Variants in NR1H3 observed in about 807,000 individuals in gnomAD.
NR1H3 encodes the protein nuclear receptor subfamily 1 group H member 3.
In NR1H3, 19 loss-of-function variants were observed where a neutral mutation model predicts 48.1. That is an observed-to-expected ratio of 0.40 (90% CI 0.28 to 0.58). The LOEUF (loss-of-function observed/expected upper bound fraction) is 0.58, where lower values mean the gene tolerates loss of function less well. NR1H3 is among the 20% of genes least tolerant of loss of function. The probability of loss-of-function intolerance (pLI) is 0.50; values close to 1 mark genes in which losing one functional copy is unlikely to be tolerated. For missense variants in NR1H3, 486 were observed against 595.9 expected (o/e 0.82, Z 1.92); for synonymous variants, 232 against 227.3 (o/e 1.02, Z -0.19).
chr11:47,258,186 C>G, intron 1 of NR1H3, 57 bp downstream of exon 1: 1 of 984,058 alleles, frequency 1.0e-6, no homozygotes, highest in South Asian at 4.7e-5. Context: ...GGGGTGGGGT[C>G]GGGGAATGTC....
intron 5 of NR1H3, 41 bp downstream of exon 5, chr11:47,261,490 A>G (rs1406324544): frequency 1.2e-6 from 2 of 1,610,174 alleles, no homozygotes; most frequent in Non-Finnish European, 1.7e-6. Flanking sequence ...CGCCCAGATC[A>G]CCAGTGGGCT....
chr11:47,268,918 C>G lies in NR1H3; in HGVS notation c.*222C>G. 2 of 570,070 alleles carry G rather than the reference C, an allele frequency of 3.5e-6. No homozygotes were observed. Among genetic ancestry groups the G allele is most frequent in the South Asian group, 4.5e-5 (2 of 44,668 alleles). 35.3% of individuals were successfully genotyped at this position (570,070 alleles called of 1,614,324 possible). The stretch of plus-strand genomic sequence containing the variant: ...CTGTGTCTGAAGATCATGCTGACCC[C>G]ACAAACGGATGGGCCTGGGGGCCAC... On this transcript the variant is annotated 3_prime_UTR_variant, in exon 10 of 10. Coordinates refer to ENST00000441012, the MANE Select transcript of NR1H3 (RefSeq NM_005693.4).
chr11:47,261,200 TCCC>T, intron 4 of NR1H3, 38 bp from the exon 5 acceptor site: 1 of 1,523,676 alleles, frequency 6.6e-7, no homozygotes, highest in Non-Finnish European at 9.0e-7. Context: ...CCCCATCCTT[TCCC>T]CATCTGCTCC....
At chr11:47,263,999 C>T (rs1314980393) in intron 7 of NR1H3, among the ~76,000 whole-genome samples, 1 of 152,192 alleles carries the variant, frequency 6.6e-6, no homozygotes, top group East Asian at 1.9e-4. Context: ...CGAATGCTTC[C>T]ATCTCCATCC....
chr11:47,254,709 C>T (rs112512545), upstream of NR1H3, among the ~76,000 whole-genome samples: 8 of 152,290 alleles, frequency 5.3e-5, no homozygotes, highest in Non-Finnish European at 7.4e-5. Context: ...TGCAACAGCA[C>T]CCAGCCTGCT....
At chr11:47,261,830 G>A (rs1173938063) in intron 6 of NR1H3, 89 bp from the exon 7 acceptor site, 2 of 1,600,266 alleles carry the variant, frequency 1.2e-6, no homozygotes, top group East Asian at 4.5e-5. Context: ...CTGGGAAGCA[G>A]GGATGAGGAG....
chr11:47,264,728 C>T (rs889572240), intron 7 of NR1H3, among the ~76,000 whole-genome samples: 4 of 152,184 alleles, frequency 2.6e-5, no homozygotes, highest in Non-Finnish European at 5.9e-5. Flanking sequence ...AGTAATCATG[C>T]TTGCATTTCT....
chr11:47,258,119 C>T lies in NR1H3; in HGVS notation c.-48C>T. ...CTGCCCACCCAGGAAGTCTGGTGGC[C>T]TGGGGATTTGGTGGGTCTGCTCCTT... On this transcript the variant is annotated 5_prime_UTR_variant, in exon 1 of 10. Transcript: ENST00000441012. 1.0e-6 allele frequency: 1 copy of T among 985,334 alleles called. No individual in the cohort carries two copies. Among genetic ancestry groups the T allele is most frequent in the Non-Finnish European group, 1.2e-6 (1 of 830,124 alleles). The allele number at this position is 985,334 out of a possible 1,614,324, so 61.0% of individuals were successfully genotyped here.
At position 47,268,390 on chromosome 11, in the gene NR1H3, C is replaced by T. The variant is rs761130352; in HGVS notation, c.1197+35C>T. 1.1e-5 allele frequency: 18 copies of T among 1,604,296 alleles called. No homozygotes were observed. In the South Asian group the frequency reaches 1.7e-4, roughly 15 times the overall value. On this transcript the variant is annotated intron_variant, in intron 9 of 9. Coordinates refer to ENST00000441012, the MANE Select transcript of NR1H3 (RefSeq NM_005693.4). ...CCCATGGTGTTCCTTTTCCTCCTTC[C>T]CACACACAGGCCCATTCCCTGACAT...
chr11:47,255,543 T>C (rs4320917), upstream of NR1H3, among the ~76,000 whole-genome samples: 12,502 of 71,316 alleles, frequency 0.18, 1,082 homozygotes, highest in African/African-American at 0.31. Context: ...TTCTTTCTTT[T>C]TCTTTCTTTC....
chr11:47,263,658 A>G (rs1591144854), intron 7 of NR1H3, among the ~76,000 whole-genome samples: 1 of 142,384 alleles, frequency 7.0e-6, no homozygotes, highest in Non-Finnish European at 1.5e-5. Flanking sequence ...GCTGGAGTGC[A>G]GTGACGCGAT....
chr11:47,248,420 C>A, upstream of NR1H3: 1 of 1,535,256 alleles, frequency 6.5e-7, no homozygotes, highest in Non-Finnish European at 8.7e-7. Flanking sequence ...AAAAAGATAA[C>A]CAAAGGCTTC....
upstream of NR1H3, among the ~76,000 whole-genome samples, chr11:47,253,134 C>CGTGTGTGTGTTTGTGTGTGTGTGTGTGT (rs1954805208): frequency 6.8e-6 from 1 of 147,654 alleles, no homozygotes. Flanking sequence ...AATTTTTGTG[C>CGTGTGTGTGTTTGTGTGTGTGTGTGTGT]GTGTGTGTGT....
chr11:47,248,891 C>G (rs1954356814), upstream of NR1H3: 2 of 1,547,584 alleles, frequency 1.3e-6, no homozygotes, highest in Admixed American at 3.9e-5. Flanking sequence ...GAAGTGCGTT[C>G]GCCGCCATCT....
chr11:47,260,820 C>T (rs1156401496), intron 4 of NR1H3, 145 bp downstream of exon 4: 32 of 1,120,400 alleles, frequency 2.9e-5, no homozygotes, highest in Non-Finnish European at 3.8e-5. Context: ...CGCGGTGGCT[C>T]ATGCCTGTAA....
intron 1 of NR1H3, among the ~76,000 whole-genome samples, chr11:47,249,952 T>G (rs80143004): frequency 1.3e-5 from 2 of 151,168 alleles, no homozygotes; most frequent in African/African-American, 4.9e-5. Context: ...AAAAAAAAAT[T>G]AGCCGGGTGC....
rs1379315862 is a variant in NR1H3, at chr11:47,259,238, C to A, written c.22C>A (p.Pro8Thr). MSLWLGA[P>T]VPDIPPDSAV... ...AGAGATGTCCTTGTGGCTGGGGGCC[C>A]CTGTGCCTGACATTCCTCCTGGTAA... The change falls in exon 2 of 10, where the codon CCT (proline) becomes ACT (threonine). Residue 8 changes from proline to threonine, a missense_variant. Physicochemically the swap from Pro to Thr is conservative, Grantham distance 38. Coordinates refer to ENST00000441012, the MANE Select transcript of NR1H3 (RefSeq NM_005693.4). 6.2e-7 allele frequency: 1 copy of A among 1,614,052 alleles called. No individual in the cohort carries two copies. Among genetic ancestry groups the A allele is most frequent in the Admixed American group, 1.7e-5 (1 of 59,998 alleles).
chr11:47,250,128 T>C (rs141330871), intron 1 of NR1H3, among the ~76,000 whole-genome samples: 1 of 151,996 alleles, frequency 6.6e-6, no homozygotes, highest in East Asian at 1.9e-4. Context: ...CTGATTAGGC[T>C]TGGTGTGGTG....
rs746146124 is a variant in NR1H3 at position 47,259,276 on chromosome 11, C to T, written c.43+17C>T. Reference sequence around the variant, plus strand: ...TTCCTCCTGGTAAGCTTCATTCCATCCCTCTCCCCTGAGCCCAGACCGCAG... The same window carrying T: ...TTCCTCCTGGTAAGCTTCATTCCATTCCTCTCCCCTGAGCCCAGACCGCAG... On this transcript the variant is annotated intron_variant, in intron 2 of 9. Coordinates refer to ENST00000441012, the MANE Select transcript of NR1H3 (RefSeq NM_005693.4). The T allele has an allele frequency of 5.0e-6, 8 of 1,614,052 alleles. No homozygotes were observed. In the African/African-American group the frequency reaches 1.1e-4, roughly 22 times the overall value.
Sources: allele counts gnomAD v4.1 joint callset (sites outside exome capture counted in the v4.1 genomes callset), GRCh38; gene constraint gnomAD v4.1.1; transcripts MANE v1.5; gene names NCBI Gene and HGNC (gene_info 2026-07-23, HGNC 2026-07-21).